The following CCDC60 variants were observed in gnomAD, a reference collection of about 807,000 sequenced individuals.
The protein encoded by CCDC60 is coiled-coil domain-containing protein 60.
A neutral mutation model predicts 63.5 loss-of-function variants in CCDC60; 54 were observed. That is an observed-to-expected ratio of 0.85 (90% CI 0.68 to 1.07). CCDC60 has a LOEUF of 1.07. Ranked by LOEUF, CCDC60 falls within the 50% of genes least tolerant of loss-of-function variation. The pLI is 0.00. For synonymous variants in CCDC60, 206 were observed against 238.8 expected (o/e 0.86, Z 1.27); for missense variants, 651 against 684.3 (o/e 0.95, Z 0.54).
chr12:119,376,227 T>C (rs906323320), intron 1 of CCDC60, among the ~76,000 whole-genome samples: 2 of 152,298 alleles, frequency 1.3e-5, no homozygotes, highest in African/African-American at 2.4e-5. Context: ...GAGCTGAAGA[T>C]TGGGGTTTGC....
At chr12:119,540,572 T>C in intron 13 of CCDC60, 42 bp from the exon 14 acceptor site, 1 of 1,469,554 alleles carries the variant, frequency 6.8e-7, no homozygotes, top group Non-Finnish European at 9.5e-7. Context: ...GAGTCTACTT[T>C]TCAGAGCAAA....
At chr12:119,511,265 A>G (rs971146721) in intron 7 of CCDC60, among the ~76,000 whole-genome samples, 3 of 152,202 alleles carry the variant, frequency 2.0e-5, no homozygotes, top group African/African-American at 7.2e-5. Context: ...TGAATTCAGG[A>G]GTCCTATTCT....
chr12:119,390,710 G>A (rs1956141863), intron 1 of CCDC60, among the ~76,000 whole-genome samples: 1 of 152,198 alleles, frequency 6.6e-6, no homozygotes, highest in South Asian at 2.1e-4. Context: ...CAGCAGCTCG[G>A]AGTAGGGCTG....
chr12:119,488,932 G>A (rs1951519697), intron 5 of CCDC60, 66 bp downstream of exon 5: 3 of 1,301,982 alleles, frequency 2.3e-6, no homozygotes, highest in African/African-American at 1.5e-5. Flanking sequence ...AGAGATTCCT[G>A]TATGTTCTTC....
chr12:119,373,340 C>G (rs1955916919), intron 1 of CCDC60, among the ~76,000 whole-genome samples: 1 of 152,120 alleles, frequency 6.6e-6, no homozygotes, highest in African/African-American at 2.4e-5. Context: ...AAAGCTGGCT[C>G]CAATCACTCT....
chr12:119,438,047 T>C (rs1950361697), intron 2 of CCDC60, among the ~76,000 whole-genome samples: 1 of 152,200 alleles, frequency 6.6e-6, no homozygotes, highest in Non-Finnish European at 1.5e-5. Flanking sequence ...CTGCTATGGG[T>C]TGGAGGGACC....
At chr12:119,425,272 A>G (rs1956881068) in intron 1 of CCDC60, among the ~76,000 whole-genome samples, 1 of 152,208 alleles carries the variant, frequency 6.6e-6, no homozygotes. Context: ...TCTCCAAAAT[A>G]AGTGGGATTA....
chr12:119,445,358 C>T (rs190748557), intron 2 of CCDC60, among the ~76,000 whole-genome samples: 20 of 143,514 alleles, frequency 1.4e-4, no homozygotes, highest in South Asian at 9.0e-4. Context: ...CGCTTGAACC[C>T]GGGATGCAGA....
At chr12:119,500,855 T>C (rs1397067069) in intron 6 of CCDC60, among the ~76,000 whole-genome samples, 1 of 152,154 alleles carries the variant, frequency 6.6e-6, no homozygotes, top group Non-Finnish European at 1.5e-5. Context: ...AGTGAGATCC[T>C]GTCTCTAAGA....
Position 119,365,781 on chromosome 12 carries a change from T to C in CCDC60, c.90+30515T>C, listed in dbSNP as rs117422566. On this transcript the variant is annotated intron_variant, in intron 1 of 13. Coordinates refer to ENST00000327554, the MANE Select transcript of CCDC60 (RefSeq NM_178499.5). ...TTTCCTTTTACATAGAAATATGTGG[T>C]ATTAACAGAGGAATGTGATTAGAAT... 3.3e-3 allele frequency among the ~76,000 whole-genome samples: 509 copies of C among 152,358 alleles called. 9 individuals carry two copies. In the East Asian group the frequency reaches 0.053, roughly 16 times the overall value.
intron 1 of CCDC60, among the ~76,000 whole-genome samples, chr12:119,424,465 GC>G (rs1343776500): frequency 2.0e-5 from 3 of 152,128 alleles, no homozygotes; most frequent in Non-Finnish European, 4.4e-5. Flanking sequence ...TATTCACACT[GC>G]TGTGATAAAC....
At chr12:119,370,897 T>C (rs151183724) in intron 1 of CCDC60, among the ~76,000 whole-genome samples, 5 of 152,216 alleles carry the variant, frequency 3.3e-5, no homozygotes, top group Non-Finnish European at 7.4e-5. Flanking sequence ...CCAGGTATAG[T>C]GGCACACCCC....
At chr12:119,335,723 C>T (rs1242123536) in intron 1 of CCDC60, among the ~76,000 whole-genome samples, 1 of 151,920 alleles carries the variant, frequency 6.6e-6, no homozygotes, top group Admixed American at 6.6e-5. Context: ...AAGTATGTTG[C>T]GAAAATTTTC....
chr12:119,368,840 G>A (rs1955869663), intron 1 of CCDC60, among the ~76,000 whole-genome samples: 1 of 152,204 alleles, frequency 6.6e-6, no homozygotes, highest in Non-Finnish European at 1.5e-5. Context: ...CACTTTATCT[G>A]TAATACCCCA....
intron 1 of CCDC60, among the ~76,000 whole-genome samples, chr12:119,357,443 A>C (rs1592987371): frequency 2.0e-5 from 3 of 147,416 alleles, no homozygotes; most frequent in African/African-American, 5.0e-5. Flanking sequence ...TCTATTCTCT[A>C]CTTCATGAGA....
chr12:119,394,551 C>G (rs990261285), intron 1 of CCDC60, among the ~76,000 whole-genome samples: 1 of 152,150 alleles, frequency 6.6e-6, no homozygotes, highest in Non-Finnish European at 1.5e-5. Context: ...CTAGTTACTC[C>G]CAGAATGAAT....
rs539284038 is a variant in CCDC60 at position 119,407,578 on chromosome 12, C to A, written c.91-21105C>A. ...TAAAAATATGTTGTATCTATCCAAG[C>A]ACACATGCATGCATATGTACCAATT... is the stretch of plus-strand genomic sequence containing the variant. On this transcript the variant is annotated intron_variant, in intron 1 of 13. Coordinates refer to ENST00000327554, the MANE Select transcript of CCDC60 (RefSeq NM_178499.5). 3.9e-5 allele frequency among the ~76,000 whole-genome samples: 6 copies of A among 152,238 alleles called. No individual in the cohort carries two copies. In the South Asian group the frequency reaches 1.2e-3, roughly 32 times the overall value.
chr12:119,396,854 G>C (rs1049617077), intron 1 of CCDC60, among the ~76,000 whole-genome samples: 1 of 152,220 alleles, frequency 6.6e-6, no homozygotes, highest in African/African-American at 2.4e-5. Flanking sequence ...TCCAGAATTG[G>C]TAGGTTCTTG....
At chr12:119,344,851 T>TCA (rs1284956237) in intron 1 of CCDC60, among the ~76,000 whole-genome samples, 1 of 107,580 alleles carries the variant, frequency 9.3e-6, no homozygotes, top group Non-Finnish European at 1.9e-5. Context: ...TCTCTCTCTC[T>TCA]CTCTCACACA....
Sources: gnomAD v4.1 joint callset for allele counts (sites outside exome capture counted in the v4.1 genomes callset) on GRCh38, gnomAD v4.1.1 for gene constraint, MANE v1.5 for transcripts, NCBI Gene and HGNC (gene_info 2026-07-23, HGNC 2026-07-21) for gene names.